Variants in ZNF652 observed in about 807,000 individuals in gnomAD.
The protein encoded by ZNF652 is zinc finger protein 652.
Under a neutral mutation model 45.2 loss-of-function variants are expected in ZNF652, and 16 were observed. That is an observed-to-expected ratio of 0.35 (90% CI 0.24 to 0.54). ZNF652 has a LOEUF of 0.54. Among genes scored for constraint, ZNF652 ranks in the 20% least tolerant of loss-of-function variants. ZNF652 has a pLI of 0.91. For missense variants in ZNF652, 614 were observed against 765.6 expected, an observed-to-expected ratio of 0.80 and a Z score of 2.34; for synonymous variants, 250 against 260.6, an observed-to-expected ratio of 0.96 and a Z score of 0.39.
At chr17:49,337,337 TAAAAA>T (rs71369295) in intron 1 of ZNF652, among the ~76,000 whole-genome samples, 4 of 130,530 alleles carry the variant, frequency 3.1e-5, no homozygotes, top group Admixed American at 1.6e-4. Context: ...CCCATTCTCT[TAAAAA>T]AAAAAAAAAA....
At chr17:49,347,819 A>T (rs9901311) in intron 1 of ZNF652, among the ~76,000 whole-genome samples, 3,729 of 141,510 alleles carry the variant, frequency 0.026, 151 homozygotes, top group African/African-American at 0.09. Context: ...ATCACAGCTC[A>T]CTAGAGCCTC....
At chr17:49,325,201 G>A (rs773063078) in intron 1 of ZNF652, among the ~76,000 whole-genome samples, 2 of 152,026 alleles carry the variant, frequency 1.3e-5, no homozygotes, top group Admixed American at 6.6e-5. Context: ...AATTAGAGAG[G>A]GGTGACTCTT....
At chr17:49,316,558 G>A (rs2069807034) in intron 2 of ZNF652, among the ~76,000 whole-genome samples, 1 of 152,094 alleles carries the variant, frequency 6.6e-6, no homozygotes, top group African/African-American at 2.4e-5. Flanking sequence ...GTGCAAAGTT[G>A]GTGTTGATTT....
intron 2 of ZNF652, among the ~76,000 whole-genome samples, chr17:49,316,092 A>G (rs988381813): frequency 1.3e-5 from 2 of 152,248 alleles, no homozygotes; most frequent in Non-Finnish European, 1.5e-5. Flanking sequence ...GCAAACCAAT[A>G]TAACTGCAAT....
chr17:49,331,091 GAAAGA>G (rs1039101844), intron 1 of ZNF652, among the ~76,000 whole-genome samples: 6 of 140,974 alleles, frequency 4.3e-5, no homozygotes, highest in African/African-American at 1.5e-4. Context: ...AGAAAAAAGA[GAAAGA>G]AAAGAAAAGG....
At chr17:49,336,906 G>A (rs950009364) in intron 1 of ZNF652, among the ~76,000 whole-genome samples, 2 of 146,984 alleles carry the variant, frequency 1.4e-5, no homozygotes, top group Admixed American at 6.8e-5. Context: ...AGGCATGAGC[G>A]ACCACACCCG....
At chr17:49,307,616 G>T (rs1389387812) in intron 5 of ZNF652, among the ~76,000 whole-genome samples, 1 of 151,088 alleles carries the variant, frequency 6.6e-6, no homozygotes, top group African/African-American at 2.4e-5. Context: ...GCTGGGCGTG[G>T]CAGCATGAGC....
rs761692618 is a variant in ZNF652 at position 49,317,572 on chromosome 17, T to C, written c.154A>G (p.Lys52Glu). 2 of 1,614,140 alleles carry C rather than the reference T, an allele frequency of 1.2e-6. No individual in the cohort carries two copies. Among genetic ancestry groups the C allele is most frequent in the East Asian group, 2.2e-5 (1 of 44,874 alleles). ...QELDLSTKVY[K>E]RESGSPYSVL... ...GAATAAGGACTTCCTGATTCCCTTT[T>C]GTACACTTTGGTGGACAGGTCAAGT... Residue 52 changes from lysine (K) to glutamate (E), a missense_variant, in exon 2 of 6, where the codon AAA becomes GAA. By Grantham distance (56) the Lys-to-Glu change is moderately conservative. Coordinates refer to ENST00000430262, the MANE Select transcript of ZNF652 (RefSeq NM_001145365.3).
chr17:49,298,166 GTCA>G lies in ZNF652; in HGVS notation c.*244_*246del. The G allele has an allele frequency of 1.9e-6, 1 of 524,838 alleles. No individual in the cohort carries two copies. The highest frequency in any genetic ancestry group is 3.4e-6 in the Non-Finnish European group (1 of 297,782). The allele number at this position is 524,838 out of a possible 1,614,324, so 32.5% of individuals were successfully genotyped here. On this transcript the variant is annotated 3_prime_UTR_variant, in exon 6 of 6. Transcript: ENST00000430262. ...GTCTGAGTATTTGAAACTTATAAAAGTCATCAGAAAATGCAAGCAAATTGGGCT... is the reference window on the plus strand; with the variant it reads ...GTCTGAGTATTTGAAACTTATAAAAGTCAGAAAATGCAAGCAAATTGGGCT...
At chr17:49,347,473 G>A (rs1384376272) in intron 1 of ZNF652, among the ~76,000 whole-genome samples, 1 of 152,062 alleles carries the variant, frequency 6.6e-6, no homozygotes, top group Non-Finnish European at 1.5e-5. Context: ...GCTGAGGTGG[G>A]AGGACCGCTG....
chr17:49,312,965 C>G (rs779593363), intron 2 of ZNF652, 120 bp from the exon 3 acceptor site: 16 of 948,568 alleles, frequency 1.7e-5, no homozygotes, highest in Admixed American at 2.5e-5. Context: ...CAGATAAGTG[C>G]TATTCTTCCA....
intron 4 of ZNF652, 132 bp from the exon 5 acceptor site, chr17:49,311,588 C>G: frequency 9.6e-7 from 1 of 1,040,598 alleles, no homozygotes; most frequent in Non-Finnish European, 1.3e-6. Context: ...AGCTATTTGG[C>G]TTTGCTATAT....
chr17:49,328,060 A>AT (rs1292059878), intron 1 of ZNF652, among the ~76,000 whole-genome samples: 4 of 151,956 alleles, frequency 2.6e-5, no homozygotes, highest in African/African-American at 9.7e-5. Context: ...CATTTTCTGT[A>AT]TATGTACAAT....
At chr17:49,328,844 A>G (rs2069993971) in intron 1 of ZNF652, among the ~76,000 whole-genome samples, 1 of 152,234 alleles carries the variant, frequency 6.6e-6, no homozygotes, top group African/African-American at 2.4e-5. Context: ...CTCCCATTTT[A>G]CAGCTGAGGC....
At chr17:49,347,648 G>A (rs2070218343) in intron 1 of ZNF652, among the ~76,000 whole-genome samples, 1 of 151,410 alleles carries the variant, frequency 6.6e-6, no homozygotes, top group South Asian at 2.1e-4. Context: ...CCCAAAAAGA[G>A]GCAACCAGCT....
At chr17:49,332,386 G>C (rs958688060) in intron 1 of ZNF652, among the ~76,000 whole-genome samples, 3 of 152,162 alleles carry the variant, frequency 2.0e-5, no homozygotes, top group African/African-American at 4.8e-5. Flanking sequence ...CAAACATAAT[G>C]TATGCAAAAC....
chr17:49,334,856 A>C (rs1236867072), intron 1 of ZNF652, among the ~76,000 whole-genome samples: 1 of 152,130 alleles, frequency 6.6e-6, no homozygotes, highest in Non-Finnish European at 1.5e-5. Flanking sequence ...TGCTAAGTGA[A>C]AGAAGCCAGA....
chr17:49,337,154 C>T (rs537971338), intron 1 of ZNF652, among the ~76,000 whole-genome samples: 132 of 151,070 alleles, frequency 8.7e-4, no homozygotes, highest in African/African-American at 2.6e-3. Context: ...GGCAACATGG[C>T]GAGATCCCAT....
At chr17:49,304,384 A>G (rs950506189) in intron 5 of ZNF652, among the ~76,000 whole-genome samples, 1 of 151,986 alleles carries the variant, frequency 6.6e-6, no homozygotes, top group African/African-American at 2.4e-5. Context: ...TTAACCCACA[A>G]TCCCATCTGC....
Sources: allele counts gnomAD v4.1 joint callset (sites outside exome capture counted in the v4.1 genomes callset), GRCh38; gene constraint gnomAD v4.1.1; transcripts MANE v1.5; gene names NCBI Gene and HGNC (gene_info 2026-07-23, HGNC 2026-07-21).